YBX3: variants seen among roughly 807,000 people sequenced by gnomAD.
YBX3 encodes Y-box-binding protein 3.
In YBX3, 29 loss-of-function variants were observed where a neutral mutation model predicts 42.4. That is an observed-to-expected ratio of 0.68 (90% CI 0.51 to 0.93). The LOEUF is 0.93. Ranked by LOEUF, YBX3 falls within the 40% of genes least tolerant of loss-of-function variation. YBX3 has a pLI of 0.00. For missense variants in YBX3, 517 were observed against 527.5 expected, an observed-to-expected ratio of 0.98 and a Z score of 0.19; for synonymous variants, 195 against 189.8, an observed-to-expected ratio of 1.03 and a Z score of -0.22.
chr12:10,701,035 C>CTA (rs1174069990), intron 9 of YBX3, among the ~76,000 whole-genome samples: 5 of 152,294 alleles, frequency 3.3e-5, no homozygotes, highest in Admixed American at 1.3e-4. Flanking sequence ...ATCATCAACT[C>CTA]TGTCTGAATG....
chr12:10,715,078 C>T (rs1452971590), intron 4 of YBX3, among the ~76,000 whole-genome samples: 3 of 151,982 alleles, frequency 2.0e-5, no homozygotes, highest in Admixed American at 2.0e-4. Flanking sequence ...ATTGTTAATA[C>T]ATAAGATAGT....
chr12:10,702,264 T>C, intron 7 of YBX3, 130 bp from the exon 8 acceptor site: 1 of 881,436 alleles, frequency 1.1e-6, no homozygotes, highest in East Asian at 2.9e-5. Flanking sequence ...CTCACCCCTG[T>C]AATCCCAGCA....
chr12:10,715,711 C>T lies in YBX3; in HGVS notation c.433G>A (p.Val145Met), dbSNP rs368982296. ...CCTCTCACCTTCTCTCCTTCAACCA[C>T]ATCAAACTCTACAGTTTCTCCATCT... Reference protein sequence around the residue: ...VGDGETVEFDVVEGEKGAEAA... With the variant: ...VGDGETVEFDMVEGEKGAEAA... The change falls in exon 4 of 10, where the codon GTG (valine) becomes ATG (methionine). Residue 145 changes from valine (V) to methionine (M), a missense_variant. Physicochemically the swap from Val to Met is conservative, Grantham distance 21 (BLOSUM62 1). Transcript: ENST00000228251. The T allele has an allele frequency of 1.2e-6, 2 of 1,613,992 alleles. No individual in the cohort carries two copies. The highest frequency in any genetic ancestry group is 2.7e-5 in the African/African-American group (2 of 74,930).
At position 10,723,248 on chromosome 12, in the gene YBX3, A is replaced by T; in HGVS notation, c.-137T>A. On this transcript the variant is annotated 5_prime_UTR_variant, in exon 1 of 10. Transcript: ENST00000228251. ...CTCGCGGCGCAGGCGGCGGCGGCCGAGGTGGGGTCGCGCGGCGGAGGCGGC... is the reference window on the plus strand; with the variant it reads ...CTCGCGGCGCAGGCGGCGGCGGCCGTGGTGGGGTCGCGCGGCGGAGGCGGC... The T allele has an allele frequency of 8.6e-7, 1 of 1,157,010 alleles. No homozygotes were observed. Among genetic ancestry groups the T allele is most frequent in the Non-Finnish European group, 1.1e-6 (1 of 938,072 alleles). The allele number at this position is 1,157,010 out of a possible 1,614,324, so 71.7% of individuals were successfully genotyped here.
intron 4 of YBX3, among the ~76,000 whole-genome samples, chr12:10,714,283 T>C (rs1948234305): frequency 6.6e-6 from 1 of 152,212 alleles, no homozygotes; most frequent in Non-Finnish European, 1.5e-5. Context: ...TATGTGTATA[T>C]GGGAGGAGCA....
intron 5 of YBX3, 102 bp downstream of exon 5, chr12:10,713,109 T>C: frequency 7.6e-7 from 1 of 1,311,834 alleles, no homozygotes; most frequent in Non-Finnish European, 1.0e-6. Context: ...AAATCATTTG[T>C]CTCCAGGAGA....
chr12:10,715,772 C>T lies in YBX3; in HGVS notation c.372G>A (p.Lys124=). Residue 124 remains lysine (K), a synonymous_variant, in exon 4 of 10, where the codon AAG becomes AAA. Transcript: ENST00000228251. ...EDVFVHQTAI[K]KNNPRKYLRS... is the part of the protein sequence containing the mutation. ...GCAGATATTTCCGTGGGTTATTCTT[C>T]TTGATGGCAGTCTGGAAAGAGAACA... 1 of 1,613,984 alleles carries T rather than the reference C, an allele frequency of 6.2e-7. No homozygotes were observed. Among genetic ancestry groups the T allele is most frequent in the Non-Finnish European group, 8.5e-7 (1 of 1,179,928 alleles).
At chr12:10,709,844 AGAG>A in intron 6 of YBX3, 61 bp downstream of exon 6, 1 of 1,575,256 alleles carries the variant, frequency 6.3e-7, no homozygotes, top group Non-Finnish European at 8.7e-7. Context: ...AGGAGGAGGA[AGAG>A]GAGGCAGAGA....
intron 4 of YBX3, 95 bp downstream of exon 4, chr12:10,715,599 A>G: frequency 2.5e-6 from 3 of 1,200,954 alleles, no homozygotes; most frequent in South Asian, 2.6e-5. Context: ...CAAAAATTCC[A>G]AAGTCATGTC....
At chr12:10,721,538 G>A (rs1194486617) in intron 1 of YBX3, among the ~76,000 whole-genome samples, 1 of 152,104 alleles carries the variant, frequency 6.6e-6, no homozygotes, top group Non-Finnish European at 1.5e-5. Context: ...CTAGATTTAA[G>A]CAACTTTTAG....
chr12:10,705,281 G>T (rs1948125013), intron 6 of YBX3, among the ~76,000 whole-genome samples: 2 of 152,144 alleles, frequency 1.3e-5, no homozygotes, highest in South Asian at 4.1e-4. Flanking sequence ...TTTTAGTACA[G>T]ACGGGGTTTC....
intron 6 of YBX3, among the ~76,000 whole-genome samples, chr12:10,707,050 T>A (rs1007257786): frequency 1.6e-5 from 2 of 126,086 alleles, no homozygotes; most frequent in Non-Finnish European, 3.4e-5. Context: ...AAATAAATAA[T>A]TCCAAATAAT....
chr12:10,713,042 T>C (rs1948217196), intron 5 of YBX3, 169 bp downstream of exon 5: 2 of 912,554 alleles, frequency 2.2e-6, no homozygotes, highest in Non-Finnish European at 1.6e-6. Flanking sequence ...AAATCAATAA[T>C]ACACATTTTA....
intron 7 of YBX3, chr12:10,703,411 G>C (rs10845206): frequency 0.12 from 21,781 of 178,658 alleles, 1,710 homozygotes; most frequent in African/African-American, 0.22. Flanking sequence ...AGCACAAATA[G>C]AATAACCCAG....
chr12:10,714,519 C>T (rs1948237326), intron 4 of YBX3, among the ~76,000 whole-genome samples: 1 of 152,090 alleles, frequency 6.6e-6, no homozygotes, highest in African/African-American at 2.4e-5. Flanking sequence ...CAGGAAAATC[C>T]CTTAACTTCT....
chr12:10,703,638 A>T (rs771684919), intron 7 of YBX3: 2 of 391,146 alleles, frequency 5.1e-6, no homozygotes, highest in South Asian at 3.8e-5. Context: ...TAGGAAGATA[A>T]ATTCAGGCGA....
At chr12:10,714,445 T>C (rs936870998) in intron 4 of YBX3, among the ~76,000 whole-genome samples, 2 of 152,164 alleles carry the variant, frequency 1.3e-5, no homozygotes, top group Non-Finnish European at 2.9e-5. Context: ...ACACAAAGCA[T>C]AAAGGGCATT....
At chr12:10,717,571 G>A (rs1214297961) in intron 3 of YBX3, 1 of 152,180 alleles carries the variant, frequency 6.6e-6, no homozygotes, top group Admixed American at 6.5e-5. Flanking sequence ...CTTTTGACCT[G>A]GACACGTCCT....
rs145107056 is a variant in YBX3 at position 10,709,990 on chromosome 12, C to T, written c.698G>A (p.Arg233Gln). The T allele has an allele frequency of 2.9e-5, 47 of 1,614,168 alleles. No individual in the cohort carries two copies. The African/African-American group carries it at 4.0e-4, about 14-fold the overall frequency. Residue 233 changes from arginine to glutamine, a missense_variant, in exon 6 of 10, where the codon CGG becomes CAG. Physicochemically the swap from Arg to Gln is conservative, Grantham distance 43. Around this residue, in one of 3 missense-constraint regions of YBX3, gnomAD observed 420 missense variants for 408.5 expected, o/e 1.03. Coordinates refer to ENST00000228251, the MANE Select transcript of YBX3 (RefSeq NM_003651.5). Reference sequence around the variant, plus strand: ...GTGGTAAGGCGGGAACCGCCGCTGCCGGTACTGAGGGCGATACTGGGGGCG... The same window carrying T: ...GTGGTAAGGCGGGAACCGCCGCTGCTGGTACTGAGGGCGATACTGGGGGCG... ...LRRPQYRPQY[R>Q]QRRFPPYHVG...
Sources: allele counts gnomAD v4.1 joint callset (sites outside exome capture counted in the v4.1 genomes callset), GRCh38; gene constraint gnomAD v4.1.1; regional missense constraint gnomAD v4.1.1; transcripts MANE v1.5; gene names NCBI Gene and HGNC (gene_info 2026-07-23, HGNC 2026-07-21).